KALRN: variants seen among roughly 807,000 people sequenced by gnomAD.
The protein encoded by KALRN is kalirin.
KALRN carries 70 observed loss-of-function variants against 353.7 expected under a neutral mutation model. The observed-to-expected ratio is 0.20, with a 90% CI of 0.16 to 0.24. KALRN has a LOEUF of 0.24. Ranked by LOEUF, KALRN falls within the 10% of genes least tolerant of loss-of-function variation. The probability of loss-of-function intolerance (pLI) is 1.00; values close to 1 mark genes in which losing one functional copy is unlikely to be tolerated. For missense variants in KALRN, 2,791 were observed against 3,756.7 expected, an observed-to-expected ratio of 0.74 and a Z score of 6.72; for synonymous variants, 1,391 against 1,434.8, an observed-to-expected ratio of 0.97 and a Z score of 0.69.
rs761274205 is a variant in KALRN, at chr3:124,632,482, G to T, written c.5245G>T (p.Ala1749Ser). Residue 1749 changes from alanine (A) to serine (S), a missense_variant, in exon 35 of 60, where the codon GCC becomes TCC. By Grantham distance (99) the Ala-to-Ser change is moderately conservative. Transcript: ENST00000682506. ...GKSESVANLQ[A>S]QPSLNSIHSS... ...GTCCGAGTCCGTGGCCAACCTGCAG[G>T]CCCAGCCCTCCCTGAACTCCATCCA... 3 of 1,613,990 alleles carry T rather than the reference G, an allele frequency of 1.9e-6. No individual in the cohort carries two copies. The Admixed American group carries it at 5.0e-5, about 27-fold the overall frequency.
intron 1 of KALRN, among the ~76,000 whole-genome samples, chr3:124,193,816 C>G (rs879926126): frequency 1.3e-5 from 2 of 152,082 alleles, no homozygotes; most frequent in Non-Finnish European, 2.9e-5. Context: ...TTTGAGCTCA[C>G]AAAGTATATC....
intron 1 of KALRN, among the ~76,000 whole-genome samples, chr3:124,053,337 A>G (rs571056904): frequency 1.3e-5 from 2 of 152,360 alleles, no homozygotes; most frequent in South Asian, 2.1e-4. Flanking sequence ...TAGATAGGAA[A>G]CTACTGAAAT....
At chr3:124,574,990 CTCCT>C (rs1396486767) in intron 34 of KALRN, among the ~76,000 whole-genome samples, 1 of 152,248 alleles carries the variant, frequency 6.6e-6, no homozygotes, top group Non-Finnish European at 1.5e-5. Context: ...TTGAGAACAA[CTCCT>C]CACCGAGGAT....
intron 21 of KALRN, among the ~76,000 whole-genome samples, chr3:124,454,182 A>G: frequency 6.6e-6 from 1 of 152,210 alleles, no homozygotes; most frequent in East Asian, 1.9e-4. Flanking sequence ...GACAGAGTTA[A>G]CTCTTAAATC....
At chr3:124,593,471 G>A (rs571494655) in intron 34 of KALRN, among the ~76,000 whole-genome samples, 9 of 152,262 alleles carry the variant, frequency 5.9e-5, no homozygotes, top group Admixed American at 5.9e-4. Flanking sequence ...TGTGGTGCAC[G>A]CTCAAATTTG....
intron 1 of KALRN, among the ~76,000 whole-genome samples, chr3:124,170,467 A>G (rs952339087): frequency 2.6e-5 from 4 of 152,212 alleles, no homozygotes; most frequent in African/African-American, 9.6e-5. Flanking sequence ...AAGTGGCAGT[A>G]TTGGGATTAG....
At chr3:124,447,690 C>T (rs1303319003) in intron 21 of KALRN, among the ~76,000 whole-genome samples, 2 of 152,134 alleles carry the variant, frequency 1.3e-5, no homozygotes, top group Non-Finnish European at 2.9e-5. Context: ...ACATCCTATC[C>T]GGAGATCCCT....
chr3:124,514,698 C>T (rs4678121), intron 33 of KALRN, among the ~76,000 whole-genome samples: 3,157 of 152,168 alleles, frequency 0.021, 74 homozygotes, highest in East Asian at 0.068. Flanking sequence ...TTCTGATATC[C>T]ATTATGCACA....
intron 9 of KALRN, among the ~76,000 whole-genome samples, chr3:124,338,612 G>A (rs2081368279): frequency 6.6e-6 from 1 of 152,216 alleles, no homozygotes; most frequent in African/African-American, 2.4e-5. Flanking sequence ...TGTATATTCT[G>A]TTGATTTGGG....
intron 2 of KALRN, among the ~76,000 whole-genome samples, chr3:124,230,989 T>G (rs1049047304): frequency 1.3e-5 from 2 of 152,344 alleles, no homozygotes; most frequent in Middle Eastern, 3.4e-3. Context: ...ACAGTTGGAT[T>G]TCTTTCTGAG....
At chr3:124,574,927 C>A (rs1168024316) in intron 34 of KALRN, among the ~76,000 whole-genome samples, 2 of 152,226 alleles carry the variant, frequency 1.3e-5, no homozygotes, top group African/African-American at 2.4e-5. Context: ...CAGGACAGAG[C>A]AGTCAGCACC....
chr3:124,141,443 T>C (rs1396277463), intron 1 of KALRN, among the ~76,000 whole-genome samples: 1 of 152,126 alleles, frequency 6.6e-6, no homozygotes, highest in East Asian at 1.9e-4. Context: ...GTGAGATTTT[T>C]CCTTTTCCAA....
intron 33 of KALRN, among the ~76,000 whole-genome samples, chr3:124,508,889 G>A (rs1053325206): frequency 2.0e-5 from 3 of 152,044 alleles, no homozygotes; most frequent in African/African-American, 4.8e-5. Context: ...GCTTTAATTC[G>A]TGTTTCCCTG....
intron 29 of KALRN, among the ~76,000 whole-genome samples, chr3:124,490,189 T>A (rs2062997883): frequency 1.3e-5 from 2 of 151,908 alleles, no homozygotes; most frequent in African/African-American, 2.4e-5. Context: ...ACCTGGGAGT[T>A]CAAGGCTGCA....
intron 3 of KALRN, among the ~76,000 whole-genome samples, chr3:124,256,452 C>T (rs747621913): frequency 2.8e-4 from 43 of 152,240 alleles, no homozygotes; most frequent in Admixed American, 1.3e-3. Flanking sequence ...TGTAAATGAG[C>T]GGGGAGTGGC....
At chr3:124,623,053 T>C (rs988386159) in intron 34 of KALRN, among the ~76,000 whole-genome samples, 1 of 152,112 alleles carries the variant, frequency 6.6e-6, no homozygotes, top group Admixed American at 6.5e-5. Context: ...TACCGATGTC[T>C]ATACAGGTTT....
intron 22 of KALRN, 58 bp from the exon 23 acceptor site, chr3:124,456,552 C>T (rs2059321085): frequency 1.6e-6 from 2 of 1,225,270 alleles, no homozygotes; most frequent in Non-Finnish European, 1.2e-6. Flanking sequence ...CCCTCAACTC[C>T]AGTGAGTTGC....
intron 43 of KALRN, among the ~76,000 whole-genome samples, chr3:124,660,297 A>T (rs1276150607): frequency 6.6e-6 from 1 of 152,186 alleles, no homozygotes; most frequent in Non-Finnish European, 1.5e-5. Context: ...TAAATAGAAA[A>T]GAGAGACTTA....
intron 13 of KALRN, among the ~76,000 whole-genome samples, chr3:124,405,070 T>C (rs1177534750): frequency 6.6e-6 from 1 of 152,212 alleles, no homozygotes; most frequent in African/African-American, 2.4e-5. Context: ...GGAAAGAACA[T>C]GTAGAATGAA....
Sources: gnomAD v4.1 joint callset for allele counts (sites outside exome capture counted in the v4.1 genomes callset) on GRCh38, gnomAD v4.1.1 for gene constraint, MANE v1.5 for transcripts, NCBI Gene and HGNC (gene_info 2026-07-23, HGNC 2026-07-21) for gene names.